Variants in BZW2 observed in about 807,000 individuals in gnomAD.
The protein encoded by BZW2 is eIF5-mimic protein 1.
In BZW2, 23 loss-of-function variants were observed where a neutral mutation model predicts 53.2. That is an observed-to-expected ratio of 0.43 (90% CI 0.31 to 0.61). The LOEUF (loss-of-function observed/expected upper bound fraction) is 0.61, where lower values mean the gene tolerates loss of function less well. BZW2 is among the 20% of genes least tolerant of loss of function. The pLI, the probability that BZW2 is intolerant of heterozygous loss-of-function variation, is 0.09. For synonymous variants in BZW2, 227 were observed against 186.4 expected (o/e 1.22, Z -1.77); for missense variants, 409 against 503.1 (o/e 0.81, Z 1.79).
At chr7:16,681,498 T>C in intron 4 of BZW2, 94 bp downstream of exon 4, 2 of 1,020,018 alleles carry the variant, frequency 2.0e-6, no homozygotes, top group Non-Finnish European at 2.9e-6. Flanking sequence ...ATAGGAATCT[T>C]AGAAAGCCTT....
In BZW2 at chr7:16,674,567, C is replaced by A. The variant is rs771670267; in HGVS notation, c.214C>A (p.Leu72Met). ...RRYADTLFDILVAGSMLAPGG... is the reference protein window; with the variant it reads ...RRYADTLFDIMVAGSMLAPGG... Reference sequence around the variant, plus strand: ...CTATGCAGACACACTCTTCGATATCCTGGTGGCTGGCAGTATGCTTGGTAA... The same window carrying A: ...CTATGCAGACACACTCTTCGATATCATGGTGGCTGGCAGTATGCTTGGTAA... Residue 72 changes from leucine to methionine, a missense_variant, in exon 3 of 12, where the codon CTG becomes ATG. Leu to Met is a conservative substitution (Grantham distance 15). This residue lies in a region of BZW2 where 316 missense variants were observed against 366.8 expected (regional missense o/e 0.86). Coordinates refer to ENST00000258761, the MANE Select transcript of BZW2 (RefSeq NM_014038.3). 6.2e-7 allele frequency: 1 copy of A among 1,603,096 alleles called. No homozygotes were observed. Among genetic ancestry groups the A allele is most frequent in the South Asian group, 1.1e-5 (1 of 88,910 alleles).
intron 5 of BZW2, 41 bp from the exon 6 acceptor site, chr7:16,685,864 C>A: frequency 2.1e-6 from 3 of 1,449,086 alleles, no homozygotes; most frequent in Admixed American, 5.7e-5. Flanking sequence ...CTTTTTTTTT[C>A]TTTTTCTTTT....
At chr7:16,647,086 A>T (rs749421491) in intron 1 of BZW2, among the ~76,000 whole-genome samples, 1 of 152,192 alleles carries the variant, frequency 6.6e-6, no homozygotes, top group Non-Finnish European at 1.5e-5. Context: ...AGCTTCGACC[A>T]TAGGTAGATG....
chr7:16,692,630 G>T (rs970513281), intron 7 of BZW2, among the ~76,000 whole-genome samples: 7 of 152,166 alleles, frequency 4.6e-5, no homozygotes, highest in Non-Finnish European at 8.8e-5. Context: ...CGGGCGTGAT[G>T]GTGCACACCT....
intron 1 of BZW2, among the ~76,000 whole-genome samples, chr7:16,650,736 A>G (rs1781965057): frequency 6.6e-6 from 1 of 152,202 alleles, no homozygotes; most frequent in Non-Finnish European, 1.5e-5. Context: ...TTCATTCTTA[A>G]CTCACTCATT....
intron 9 of BZW2, 91 bp downstream of exon 9, chr7:16,697,152 C>T (rs753229216): frequency 2.3e-5 from 32 of 1,420,376 alleles, no homozygotes; most frequent in African/African-American, 8.6e-5. Context: ...TGCAGTGGCA[C>T]GATCTGCGCT....
chr7:16,680,209 G>A (rs1782897348), intron 3 of BZW2, among the ~76,000 whole-genome samples: 1 of 152,120 alleles, frequency 6.6e-6, no homozygotes, highest in Non-Finnish European at 1.5e-5. Flanking sequence ...TCTGTAGTTG[G>A]TGATCTAGGT....
At chr7:16,684,700 T>G (rs1240962054) in intron 5 of BZW2, among the ~76,000 whole-genome samples, 1 of 152,224 alleles carries the variant, frequency 6.6e-6, no homozygotes, top group East Asian at 1.9e-4. Flanking sequence ...TGATGCTCCT[T>G]GGAACTTAAG....
rs1347845031 is a variant in BZW2, at chr7:16,680,062, G to T, written c.236-1239G>T. ...CTTCTAGCCAACATAGCAGCTGGGC[G>T]ATCAAATTCAAATAGCAAGCATCGG... On this transcript the variant is annotated intron_variant, in intron 3 of 11. Coordinates refer to ENST00000258761, the MANE Select transcript of BZW2 (RefSeq NM_014038.3). Among the ~76,000 whole-genome samples the T allele has an allele frequency of 2.0e-5, 3 of 152,228 alleles. No homozygotes were observed. The South Asian group carries it at 6.2e-4, about 32-fold the overall frequency.
rs147692825 is a variant in BZW2, at chr7:16,662,774, A to AAAGG, written c.-7-2649_-7-2646dup. ...CTCTAAGGAGGTAGAGAGAGAGAAA[A>AAAGG]AAGGAAGGAAGGAAGGAGAGAGAAA... On this transcript the variant is annotated intron_variant, in intron 1 of 11. Coordinates refer to ENST00000258761, the MANE Select transcript of BZW2 (RefSeq NM_014038.3). Among the ~76,000 whole-genome samples the AAAGG allele has an allele frequency of 8.2e-3, 1,247 of 152,120 alleles. 16 individuals are homozygous for AAAGG. Among genetic ancestry groups the AAAGG allele is most frequent in the African/African-American group, 0.028 (1,170 of 41,486 alleles).
chr7:16,681,936 C>T (rs1782958864), intron 4 of BZW2, among the ~76,000 whole-genome samples: 1 of 152,006 alleles, frequency 6.6e-6, no homozygotes, highest in Non-Finnish European at 1.5e-5. Flanking sequence ...TTCTTGTATA[C>T]ATGTTAAGGA....
chr7:16,648,960 C>A (rs1408191074), intron 1 of BZW2, among the ~76,000 whole-genome samples: 1 of 152,118 alleles, frequency 6.6e-6, no homozygotes, highest in Admixed American at 6.5e-5. Context: ...TTATTCATGT[C>A]TCTTGGCAAG....
intron 3 of BZW2, among the ~76,000 whole-genome samples, 164 bp from the exon 4 acceptor site, chr7:16,681,137 G>A (rs185483835): frequency 1.1e-4 from 17 of 152,192 alleles, no homozygotes; most frequent in African/African-American, 2.4e-4. Context: ...GTACAGCAAC[G>A]TGTGTACATC....
intron 2 of BZW2, among the ~76,000 whole-genome samples, chr7:16,669,734 C>A (rs143652636): frequency 6.6e-6 from 1 of 152,232 alleles, no homozygotes; most frequent in African/African-American, 2.4e-5. Context: ...ATTTGAGTGT[C>A]AGAATTAGGC....
intron 1 of BZW2, among the ~76,000 whole-genome samples, chr7:16,655,214 C>G (rs1405718636): frequency 2.0e-5 from 3 of 152,146 alleles, no homozygotes; most frequent in African/African-American, 7.2e-5. Context: ...GATCTGTAGA[C>G]TCCAGAGGAA....
intron 7 of BZW2, among the ~76,000 whole-genome samples, chr7:16,692,981 C>T (rs1005916286): frequency 2.6e-5 from 4 of 152,090 alleles, no homozygotes; most frequent in African/African-American, 9.7e-5. Flanking sequence ...TTGGGGACCG[C>T]AAGGGGAGAG....
chr7:16,696,820 G>T (rs544692285), intron 8 of BZW2, 95 bp from the exon 9 acceptor site: 3 of 1,296,634 alleles, frequency 2.3e-6, no homozygotes, highest in Non-Finnish European at 3.3e-6. Context: ...TTGTTTCTTA[G>T]CTGCCCCAAA....
At chr7:16,690,248 G>A (rs964147337) in intron 7 of BZW2, among the ~76,000 whole-genome samples, 1 of 151,700 alleles carries the variant, frequency 6.6e-6, no homozygotes, top group African/African-American at 2.4e-5. Context: ...TGTCACCCAG[G>A]CTGGAGTGCA....
intron 1 of BZW2, among the ~76,000 whole-genome samples, chr7:16,660,690 T>C (rs1246186123): frequency 6.6e-6 from 1 of 152,158 alleles, no homozygotes; most frequent in African/African-American, 2.4e-5. Flanking sequence ...ATTTAGTTAA[T>C]GGAAATAAAA....
Sources: allele counts gnomAD v4.1 joint callset (sites outside exome capture counted in the v4.1 genomes callset), GRCh38; gene constraint gnomAD v4.1.1; regional missense constraint gnomAD v4.1.1; transcripts MANE v1.5; gene names NCBI Gene and HGNC (gene_info 2026-07-23, HGNC 2026-07-21).